ACBD6: variants seen among roughly 807,000 people sequenced by gnomAD.
ACBD6 encodes the protein acyl-CoA binding domain containing 6, also known as acyl-CoA-binding domain-containing protein 6.
In ACBD6, 28 loss-of-function variants were observed where a neutral mutation model predicts 37.2. The observed-to-expected ratio is 0.75, with a 90% CI of 0.56 to 1.03. The LOEUF (loss-of-function observed/expected upper bound fraction) is 1.03, where lower values mean the gene tolerates loss of function less well. Ranked by LOEUF, ACBD6 falls within the 50% of genes least tolerant of loss-of-function variation. The pLI, the probability that ACBD6 is intolerant of heterozygous loss-of-function variation, is 0.00. For synonymous variants in ACBD6, 113 were observed against 126.8 expected (o/e 0.89, Z 0.73); for missense variants, 340 against 337.4 (o/e 1.01, Z -0.06).
intron 2 of ACBD6, 73 bp from the exon 3 acceptor site, chr1:180,492,438 A>G: frequency 8.8e-7 from 1 of 1,140,986 alleles, no homozygotes; most frequent in Non-Finnish European, 1.3e-6. Flanking sequence ...TATTATTAAA[A>G]AAACTGTATG....
chr1:180,326,203 T>C (rs1226361653), intron 6 of ACBD6, among the ~76,000 whole-genome samples: 1 of 152,204 alleles, frequency 6.6e-6, no homozygotes, highest in Admixed American at 6.5e-5. Context: ...CCTGGTGTTC[T>C]ATTTTACTGA....
At chr1:180,404,262 TC>T (rs955964191) in intron 5 of ACBD6, among the ~76,000 whole-genome samples, 1 of 151,916 alleles carries the variant, frequency 6.6e-6, no homozygotes, top group Non-Finnish European at 1.5e-5. Flanking sequence ...GTACAGAGTT[TC>T]AATTGGGGAA....
chr1:180,340,614 A>G (rs1222735483), intron 6 of ACBD6, among the ~76,000 whole-genome samples: 1 of 151,998 alleles, frequency 6.6e-6, no homozygotes, highest in South Asian at 2.1e-4. Context: ...TACACAGAAG[A>G]GAGAGAAAAC....
At chr1:180,271,151 G>C (rs970964820) in exon 14 of ACBD6, 9 of 599,800 alleles carry the variant, frequency 1.5e-5, no homozygotes, top group Non-Finnish European at 2.7e-5. Context: ...AGGGAGCTGA[G>C]CAGAGAAAGG....
chr1:180,348,057 A>G (rs1360147800), intron 6 of ACBD6, among the ~76,000 whole-genome samples: 1 of 152,190 alleles, frequency 6.6e-6, no homozygotes, highest in African/African-American at 2.4e-5. Flanking sequence ...ATAAAGAGGT[A>G]CTTCTATTTA....
At chr1:180,287,676 T>G (rs1028348819), downstream of ACBD6, among the ~76,000 whole-genome samples, 1 of 151,740 alleles carries the variant, frequency 6.6e-6, no homozygotes, top group African/African-American at 2.4e-5. Context: ...TCCTTTCTTG[T>G]TTAGTGAAGG....
At chr1:180,337,257 A>T (rs1042331976) in intron 6 of ACBD6, among the ~76,000 whole-genome samples, 12 of 152,194 alleles carry the variant, frequency 7.9e-5, no homozygotes, top group Non-Finnish European at 1.5e-4. Flanking sequence ...ATCCTCAATA[A>T]AATACTGAAA....
chr1:180,391,775 C>T (rs1214293622), intron 6 of ACBD6, among the ~76,000 whole-genome samples: 1 of 152,044 alleles, frequency 6.6e-6, no homozygotes, highest in East Asian at 1.9e-4. Flanking sequence ...TAGAGCTATG[C>T]TATGACCCAG....
intron 6 of ACBD6, 76 bp downstream of exon 6, chr1:180,397,440 G>C: frequency 1.6e-6 from 2 of 1,283,038 alleles, no homozygotes; most frequent in Non-Finnish European, 2.3e-6. Flanking sequence ...TTTCAAAAGA[G>C]TTAATCTGGT....
chr1:180,335,090 G>C (rs1356097385), intron 6 of ACBD6, among the ~76,000 whole-genome samples: 1 of 152,146 alleles, frequency 6.6e-6, no homozygotes, highest in Non-Finnish European at 1.5e-5. Context: ...ACACTCTGCA[G>C]GATATTATCC....
intron 6 of ACBD6, among the ~76,000 whole-genome samples, chr1:180,393,375 G>A (rs552575789): frequency 6.6e-6 from 1 of 152,294 alleles, no homozygotes; most frequent in Admixed American, 6.5e-5. Flanking sequence ...AGTAGACTTT[G>A]ACATATCTCT....
At chr1:180,501,920 AAAAC>A in intron 1 of ACBD6, 121 bp downstream of exon 1, 1 of 942,954 alleles carries the variant, frequency 1.1e-6, no homozygotes, top group Non-Finnish European at 1.6e-6. Flanking sequence ...AAAAAAAAAC[AAAAC>A]AAAATACACA....
At chr1:180,331,891 T>C (rs1024640164) in intron 6 of ACBD6, among the ~76,000 whole-genome samples, 1 of 152,230 alleles carries the variant, frequency 6.6e-6, no homozygotes, top group Non-Finnish European at 1.5e-5. Flanking sequence ...ATCCTCTATA[T>C]TGAATCCACA....
intron 7 of ACBD6, among the ~76,000 whole-genome samples, chr1:180,297,400 C>T (rs1002253295): frequency 6.6e-6 from 1 of 152,074 alleles, no homozygotes; most frequent in Non-Finnish European, 1.5e-5. Flanking sequence ...TTTTTGTGAG[C>T]TAAAATCAGA....
intron 4 of ACBD6, among the ~76,000 whole-genome samples, chr1:180,418,299 AGT>A (rs750024031): frequency 1.2e-4 from 18 of 152,254 alleles, no homozygotes; most frequent in African/African-American, 1.7e-4. Flanking sequence ...TATATGAGGA[AGT>A]GTGTGGTGGC....
chr1:180,496,772 G>A (rs2102099997), intron 1 of ACBD6, among the ~76,000 whole-genome samples: 1 of 152,196 alleles, frequency 6.6e-6, no homozygotes, highest in African/African-American at 2.4e-5. Context: ...TGTTATGATG[G>A]AATAGAGAGA....
chr1:180,271,578 G>A lies in ACBD6; in HGVS notation c.*1647C>T, dbSNP rs763636316. ...TGTGCCCTCCGGGGATCCCAGGCCC[G>A]GGACAGGGGTGGAAGGTATCCTGAG... On this transcript the variant is annotated 3_prime_UTR_variant, in exon 14 of 14. Coordinates refer to the ACBD6 transcript ENST00000642319. 38 of 1,610,184 alleles carry A rather than the reference G, an allele frequency of 2.4e-5. No individual in the cohort carries two copies. In the East Asian group the frequency reaches 4.7e-4, roughly 20 times the overall value.
intron 7 of ACBD6, among the ~76,000 whole-genome samples, chr1:180,289,671 C>T (rs1336285101): frequency 6.6e-6 from 1 of 152,134 alleles, no homozygotes; most frequent in Non-Finnish European, 1.5e-5. Context: ...AGCCCAAACG[C>T]TCATTAATGG....
At chr1:180,408,078 A>G (rs1041702362) in intron 5 of ACBD6, among the ~76,000 whole-genome samples, 1 of 152,234 alleles carries the variant, frequency 6.6e-6, no homozygotes, top group African/African-American at 2.4e-5. Context: ...GAGCATTATC[A>G]GAATATATAA....
Sources: allele counts gnomAD v4.1 joint callset (sites outside exome capture counted in the v4.1 genomes callset), GRCh38; gene constraint gnomAD v4.1.1; transcripts MANE v1.5; gene names NCBI Gene and HGNC (gene_info 2026-07-23, HGNC 2026-07-21).